ASZ1: variants seen among roughly 807,000 people sequenced by gnomAD.
ASZ1 encodes the protein ankyrin repeat, SAM and basic leucine zipper domain-containing protein 1.
Under a neutral mutation model 61.8 loss-of-function variants are expected in ASZ1, and 67 were observed. That is an observed-to-expected ratio of 1.08 (90% CI 0.89 to 1.33). The LOEUF (loss-of-function observed/expected upper bound fraction) is 1.33. ASZ1 is among the 40% of genes most tolerant of loss of function. ASZ1 has a pLI of 0.00. For missense variants in ASZ1, 577 were observed against 554.5 expected (o/e 1.04, Z -0.41); for synonymous variants, 193 against 192.7 (o/e 1.00, Z -0.01).
intron 10 of ASZ1, among the ~76,000 whole-genome samples, chr7:117,377,820 C>T (rs953745965): frequency 5.3e-5 from 8 of 152,120 alleles, no homozygotes; most frequent in Middle Eastern, 3.4e-3. Flanking sequence ...GTAATCAAGA[C>T]GTGGTACTTT....
At chr7:117,395,853 G>T (rs1796567484) in intron 4 of ASZ1, among the ~76,000 whole-genome samples, 1 of 152,086 alleles carries the variant, frequency 6.6e-6, no homozygotes, top group South Asian at 2.1e-4. Flanking sequence ...TCTGTAAAGG[G>T]CAAGACAGTA....
At chr7:117,368,505 C>T (rs561020786) in intron 11 of ASZ1, 107 bp downstream of exon 11, 820 of 1,477,566 alleles carry the variant, frequency 5.5e-4, no homozygotes, top group Non-Finnish European at 6.6e-4. Flanking sequence ...GCAGAACAAA[C>T]GATGTAATTT....
chr7:117,405,106 A>AT (rs1405999964), intron 4 of ASZ1, among the ~76,000 whole-genome samples: 1 of 152,036 alleles, frequency 6.6e-6, no homozygotes, highest in East Asian at 1.9e-4. Flanking sequence ...TGCAGACAGT[A>AT]TGGGAACCTC....
intron 4 of ASZ1, among the ~76,000 whole-genome samples, chr7:117,404,100 A>T (rs1796733776): frequency 6.6e-6 from 1 of 152,154 alleles, no homozygotes. Context: ...GAGCAAGCAC[A>T]GTCTATTTTT....
rs58457982 is a variant in ASZ1, at chr7:117,379,168, T to TACACACACACAC, written c.1055+758_1055+769dup. Reference sequence around the variant, plus strand: ...ATATATATATATATATATATATATATACACACACACACACACACACACACA... The same window carrying TACACACACACAC: ...ATATATATATATATATATATATATATACACACACACACACACACACACACACACACACACACA... On this transcript the variant is annotated intron_variant, in intron 10 of 12. Coordinates refer to ENST00000284629, the MANE Select transcript of ASZ1 (RefSeq NM_130768.3). 5.3e-3 allele frequency among the ~76,000 whole-genome samples: 371 copies of TACACACACACAC among 69,528 alleles called. 6 individuals are homozygous for TACACACACACAC. The highest frequency in any genetic ancestry group is 0.019 in the African/African-American group (351 of 18,164). 45.6% of individuals were successfully genotyped at this position (69,528 alleles called of 152,430 possible). A position where few individuals can be genotyped will look rare whatever the true frequency, so the allele number is the denominator to read the frequency against.
intron 12 of ASZ1, among the ~76,000 whole-genome samples, chr7:117,364,353 C>A (rs182356217): frequency 0.01 from 1,571 of 151,516 alleles, 33 homozygotes; most frequent in African/African-American, 0.037. Context: ...TCTCCCCTAC[C>A]TACTGTGTGT....
chr7:117,367,501 G>A, intron 11 of ASZ1, 36 bp from the exon 12 acceptor site: 2 of 1,373,462 alleles, frequency 1.5e-6, no homozygotes, highest in Non-Finnish European at 9.5e-7. Context: ...ATTAAATAAT[G>A]GAAATAACTT....
intron 4 of ASZ1, among the ~76,000 whole-genome samples, chr7:117,390,660 AC>A (rs1796447530): frequency 6.6e-6 from 1 of 152,148 alleles, no homozygotes; most frequent in South Asian, 2.1e-4. Context: ...CCAGCAGTGT[AC>A]GTTTCCCTTA....
chr7:117,394,293 A>C (rs1251353969), intron 4 of ASZ1, among the ~76,000 whole-genome samples: 2 of 152,098 alleles, frequency 1.3e-5, no homozygotes, highest in Non-Finnish European at 2.9e-5. Flanking sequence ...TCTGTTGCCT[A>C]GGTTGGTCTC....
chr7:117,425,304 C>G (rs1169201562), intron 2 of ASZ1, among the ~76,000 whole-genome samples: 8 of 104,546 alleles, frequency 7.7e-5, no homozygotes. Context: ...CTCGCTTTGT[C>G]GCCCAGGCTG....
chr7:117,408,529 A>C (rs554039435), intron 4 of ASZ1, among the ~76,000 whole-genome samples: 41 of 152,276 alleles, frequency 2.7e-4, no homozygotes, highest in African/African-American at 7.9e-4. Flanking sequence ...TTGGGTTATA[A>C]AGAACATCTC....
chr7:117,402,777 T>A (rs1475661919), intron 4 of ASZ1, among the ~76,000 whole-genome samples: 1 of 152,140 alleles, frequency 6.6e-6, no homozygotes, highest in East Asian at 1.9e-4. Context: ...TTATCTATAA[T>A]GGCAGAAAGA....
At chr7:117,409,420 G>A (rs1055289728) in intron 4 of ASZ1, among the ~76,000 whole-genome samples, 1 of 151,760 alleles carries the variant, frequency 6.6e-6, no homozygotes, top group Non-Finnish European at 1.5e-5. Flanking sequence ...TTTACAGTTT[G>A]TCACTGAAAA....
chr7:117,375,210 A>G (rs185916046), intron 10 of ASZ1, among the ~76,000 whole-genome samples: 17 of 152,188 alleles, frequency 1.1e-4, no homozygotes, highest in Admixed American at 9.2e-4. Context: ...TATATCTAAA[A>G]GGCAGAAGAG....
intron 4 of ASZ1, among the ~76,000 whole-genome samples, chr7:117,413,917 C>CT (rs1796942789): frequency 6.6e-6 from 1 of 152,080 alleles, no homozygotes; most frequent in Non-Finnish European, 1.5e-5. Flanking sequence ...GTGAGGGAAT[C>CT]TAGAAGTTTT....
In ASZ1 at chr7:117,363,422, T is replaced by G. The variant is rs1795863105; in HGVS notation, c.*174A>C. 6.8e-6 allele frequency: 3 copies of G among 438,646 alleles called. No homozygotes were observed. The East Asian group carries it at 1.1e-4, about 16-fold the overall frequency. The allele number at this position is 438,646 out of a possible 1,614,324, so 27.2% of individuals were successfully genotyped here. A position where few individuals can be genotyped will look rare whatever the true frequency, so the allele number is the denominator to read the frequency against. ...TTAACATAAACATAACAAATTGTAT[T>G]TATAAGTCAAAGTAACAAACCACTT... On this transcript the variant is annotated 3_prime_UTR_variant, in exon 13 of 13. Coordinates refer to ENST00000284629, the MANE Select transcript of ASZ1 (RefSeq NM_130768.3).
chr7:117,399,851 G>A (rs1214526490), intron 4 of ASZ1, among the ~76,000 whole-genome samples: 2 of 152,076 alleles, frequency 1.3e-5, no homozygotes, highest in African/African-American at 4.8e-5. Flanking sequence ...TTTACAATAT[G>A]TAATTGTATT....
At chr7:117,425,125 G>A (rs1446647211) in intron 2 of ASZ1, among the ~76,000 whole-genome samples, 7 of 152,122 alleles carry the variant, frequency 4.6e-5, no homozygotes, top group African/African-American at 1.7e-4. Context: ...TTCTAGCATA[G>A]AAGAAAAACA....
At chr7:117,403,931 C>T (rs996429849) in intron 4 of ASZ1, among the ~76,000 whole-genome samples, 6 of 152,092 alleles carry the variant, frequency 3.9e-5, no homozygotes, top group African/African-American at 7.2e-5. Context: ...ACTGCGCATG[C>T]GAGAGATCTA....
Sources: allele counts gnomAD v4.1 joint callset (sites outside exome capture counted in the v4.1 genomes callset), GRCh38; gene constraint gnomAD v4.1.1; transcripts MANE v1.5; gene names NCBI Gene and HGNC (gene_info 2026-07-23, HGNC 2026-07-21).